The following PTPN5 variants were observed in gnomAD, a reference collection of about 807,000 sequenced individuals.
PTPN5 encodes the protein protein tyrosine phosphatase non-receptor type 5, also known as tyrosine-protein phosphatase non-receptor type 5.
Under a neutral mutation model 73.9 loss-of-function variants are expected in PTPN5, and 29 were observed. That is an observed-to-expected ratio of 0.39 (90% CI 0.29 to 0.54). The LOEUF is 0.54. Among genes scored for constraint, PTPN5 ranks in the 20% least tolerant of loss-of-function variants. The pLI, the probability that PTPN5 is intolerant of heterozygous loss-of-function variation, is 0.65. For missense variants in PTPN5, 652 were observed against 751.4 expected (o/e 0.87, Z 1.55); for synonymous variants, 267 against 304.7 (o/e 0.88, Z 1.29).
At chr11:18,752,004 G>A (rs534764643) in intron 3 of PTPN5, among the ~76,000 whole-genome samples, 1 of 152,318 alleles carries the variant, frequency 6.6e-6, no homozygotes, top group Non-Finnish European at 1.5e-5. Context: ...GCCGAGGCAG[G>A]TGGATCACAT....
chr11:18,762,993 T>C (rs554881623), intron 3 of PTPN5, among the ~76,000 whole-genome samples: 1 of 152,170 alleles, frequency 6.6e-6, no homozygotes, highest in Non-Finnish European at 1.5e-5. Context: ...CAATCAGTAG[T>C]GACAGAATGA....
chr11:18,730,971 T>C (rs1378887345), intron 12 of PTPN5, among the ~76,000 whole-genome samples: 4 of 152,048 alleles, frequency 2.6e-5, no homozygotes, highest in Non-Finnish European at 5.9e-5. Flanking sequence ...CCATCTTCCA[T>C]GTCCTTACTT....
chr11:18,759,058 T>C (rs1850273760), intron 3 of PTPN5, among the ~76,000 whole-genome samples: 2 of 151,950 alleles, frequency 1.3e-5, no homozygotes, highest in African/African-American at 4.8e-5. Context: ...AGACCTGTGG[T>C]GGGGAGTCAA....
At position 18,744,142 on chromosome 11, in the gene PTPN5, G is replaced by A; in HGVS notation, c.155C>T (p.Ser52Leu). Residue 52 changes from serine to leucine, a missense_variant, in exon 4 of 15, where the codon TCA becomes TTA. This residue lies in a region of PTPN5 where 529 missense variants were observed against 573.9 expected (regional missense o/e 0.92). Transcript: ENST00000358540. ...ALDEAEGLQD[S>L]QREMPPPPPP... Reference sequence around the variant, plus strand: ...AGGGGGTGGCGGCATCTCTCTCTGTGAGTCCTGGAGCCCTTCAGCCTCGTC... The same window carrying A: ...AGGGGGTGGCGGCATCTCTCTCTGTAAGTCCTGGAGCCCTTCAGCCTCGTC... 6.2e-7 allele frequency: 1 copy of A among 1,606,102 alleles called. No homozygotes were observed. The highest frequency in any genetic ancestry group is 8.5e-7 in the Non-Finnish European group (1 of 1,176,896).
chr11:18,780,723 A>C (rs571315878), intron 1 of PTPN5, among the ~76,000 whole-genome samples: 1 of 152,174 alleles, frequency 6.6e-6, no homozygotes, highest in Non-Finnish European at 1.5e-5. Flanking sequence ...TCTCTTGTCC[A>C]TAACTTTGGC....
chr11:18,764,024 A>G (rs1440117971), intron 3 of PTPN5, among the ~76,000 whole-genome samples: 1 of 152,186 alleles, frequency 6.6e-6, no homozygotes, highest in East Asian at 1.9e-4. Flanking sequence ...CCCTGATTGT[A>G]GAGTCATCTC....
chr11:18,759,703 G>C (rs1015089270), intron 3 of PTPN5, among the ~76,000 whole-genome samples: 13 of 151,752 alleles, frequency 8.6e-5, no homozygotes, highest in African/African-American at 2.9e-4. Context: ...TTGAAGTCTT[G>C]AATGAAAACA....
rs1281377556 is a variant in PTPN5 at position 18,749,731 on chromosome 11, C to T, written c.98-5532G>A. ...ACGCTATGATCCCTCTCCTGTCACC[C>T]GGCTCCCAAATCCCACCATTGAACT... On this transcript the variant is annotated intron_variant, in intron 3 of 14. Transcript: ENST00000358540. Among the ~76,000 whole-genome samples the T allele has an allele frequency of 2.0e-5, 3 of 152,124 alleles. No homozygotes were observed. In the East Asian group the frequency reaches 5.8e-4, roughly 29 times the overall value.
chr11:18,764,069 G>A (rs1165218024), intron 3 of PTPN5, among the ~76,000 whole-genome samples: 1 of 152,142 alleles, frequency 6.6e-6, no homozygotes, highest in Non-Finnish European at 1.5e-5. Context: ...TCACAGAACT[G>A]TTTAATAGTT....
intron 9 of PTPN5, among the ~76,000 whole-genome samples, chr11:18,734,702 T>C (rs537002642): frequency 3.5e-4 from 53 of 152,310 alleles, no homozygotes; most frequent in African/African-American, 1.3e-3. Context: ...CATTGACTAT[T>C]CTGTCAGCCT....
intron 3 of PTPN5, among the ~76,000 whole-genome samples, chr11:18,744,747 C>T (rs1849540380): frequency 3.3e-5 from 5 of 152,096 alleles, no homozygotes; most frequent in African/African-American, 2.4e-5. Context: ...GCAGTTAGGG[C>T]GAAGTGCCGG....
At chr11:18,778,007 G>A (rs1851248846) in intron 1 of PTPN5, among the ~76,000 whole-genome samples, 1 of 151,102 alleles carries the variant, frequency 6.6e-6, no homozygotes, top group South Asian at 2.1e-4. Flanking sequence ...AGGAAGGAAG[G>A]AAGGAAGGAA....
intron 1 of PTPN5, among the ~76,000 whole-genome samples, chr11:18,773,792 G>C (rs1397799850): frequency 6.6e-6 from 1 of 152,172 alleles, no homozygotes; most frequent in African/African-American, 2.4e-5. Context: ...CAGCCAAAAA[G>C]GTGGGTGTGT....
rs893034127 is a variant in PTPN5, at chr11:18,769,138, T to C, written c.20+2801A>G. Among the ~76,000 whole-genome samples, 8 of 152,302 alleles carry C rather than the reference T, an allele frequency of 5.3e-5. No individual in the cohort carries two copies. In the East Asian group the frequency reaches 1.5e-3, roughly 29 times the overall value. ...GTAGCTTCCCAAAGCCATCGTCGCA[T>C]TCAACAGGCGTGTGCTGAGCACCTC... On this transcript the variant is annotated intron_variant, in intron 2 of 14. Transcript: ENST00000358540.
intron 3 of PTPN5, among the ~76,000 whole-genome samples, chr11:18,748,292 C>T (rs1050164103): frequency 6.6e-6 from 1 of 152,264 alleles, no homozygotes; most frequent in Admixed American, 6.5e-5. Flanking sequence ...GTGATCATTA[C>T]TTTTGCATAT....
chr11:18,783,026 T>A (rs371118572), intron 1 of PTPN5, among the ~76,000 whole-genome samples: 2 of 152,200 alleles, frequency 1.3e-5, no homozygotes, highest in African/African-American at 4.8e-5. Context: ...GGGACAGTGA[T>A]GTGGCACAGA....
chr11:18,737,981 C>A lies in PTPN5; in HGVS notation c.916-17G>T. On this transcript the variant is annotated splice_polypyrimidine_tract_variant and intron_variant, in intron 8 of 14. Transcript: ENST00000358540. ...GGGGATTTCCTGTGGAAGGAGGACACGGGGTGTGAGCAGCTATGGGCCCTC... is the reference window on the plus strand; with the variant it reads ...GGGGATTTCCTGTGGAAGGAGGACAAGGGGTGTGAGCAGCTATGGGCCCTC... The A allele has an allele frequency of 6.2e-7, 1 of 1,609,172 alleles. No individual in the cohort carries two copies. Among genetic ancestry groups the A allele is most frequent in the Non-Finnish European group, 8.5e-7 (1 of 1,175,486 alleles).
intron 2 of PTPN5, among the ~76,000 whole-genome samples, chr11:18,769,433 T>C (rs1385496045): frequency 6.6e-6 from 1 of 152,158 alleles, no homozygotes; most frequent in Non-Finnish European, 1.5e-5. Flanking sequence ...AGACGGAGTC[T>C]CACTCTGTTG....
chr11:18,754,225 T>C lies in PTPN5; in HGVS notation c.98-10026A>G, dbSNP rs146290640. On this transcript the variant is annotated intron_variant, in intron 3 of 14. Transcript: ENST00000358540. ...AGTTGGAAGTTGAGCCAAGGTCCAATGGGGGAAACAACGAACGGAAATTGA... is the reference window on the plus strand; with the variant it reads ...AGTTGGAAGTTGAGCCAAGGTCCAACGGGGGAAACAACGAACGGAAATTGA... Among the ~76,000 whole-genome samples, 646 of 152,010 alleles carry C rather than the reference T, an allele frequency of 4.2e-3. 2 individuals are homozygous for C. The highest frequency in any genetic ancestry group is 7.6e-3 in the Non-Finnish European group (519 of 67,950).
Sources: allele counts gnomAD v4.1 joint callset (sites outside exome capture counted in the v4.1 genomes callset), GRCh38; gene constraint gnomAD v4.1.1; regional missense constraint gnomAD v4.1.1; transcripts MANE v1.5; gene names NCBI Gene and HGNC (gene_info 2026-07-23, HGNC 2026-07-21).